Variants in KCNH8 observed in about 807,000 individuals in gnomAD.
KCNH8 encodes the protein potassium voltage-gated channel subfamily H member 8, also known as voltage-gated delayed rectifier potassium channel KCNH8.
In KCNH8, 70 loss-of-function variants were observed where a neutral mutation model predicts 103.6. That is an observed-to-expected ratio of 0.68 (90% CI 0.56 to 0.82). The LOEUF (loss-of-function observed/expected upper bound fraction) is 0.82. Among genes scored for constraint, KCNH8 ranks in the 40% least tolerant of loss-of-function variants. The pLI, the probability that KCNH8 is intolerant of heterozygous loss-of-function variation, is 0.00. For synonymous variants in KCNH8, 498 were observed against 489.4 expected (o/e 1.02, Z -0.23); for missense variants, 1,217 against 1,329.9 (o/e 0.92, Z 1.32).
intron 11 of KCNH8, among the ~76,000 whole-genome samples, chr3:19,493,207 TTTTG>T (rs1376883369): frequency 6.6e-6 from 1 of 152,120 alleles, no homozygotes; most frequent in Non-Finnish European, 1.5e-5. Context: ...TTTGGATGCC[TTTTG>T]TTTCTTTCTC....
intron 1 of KCNH8, among the ~76,000 whole-genome samples, chr3:19,162,661 G>A (rs1222929413): frequency 3.3e-5 from 5 of 151,934 alleles, no homozygotes; most frequent in Admixed American, 1.3e-4. Flanking sequence ...ATATTTTGGT[G>A]GAATTTGTTT....
At chr3:19,344,838 A>G (rs2065708327) in intron 4 of KCNH8, among the ~76,000 whole-genome samples, 1 of 152,130 alleles carries the variant, frequency 6.6e-6, no homozygotes, top group Admixed American at 6.6e-5. Flanking sequence ...TGATTCTTAT[A>G]GCAAGCCAGT....
chr3:19,265,318 G>A (rs925825908), intron 2 of KCNH8, among the ~76,000 whole-genome samples: 29 of 152,204 alleles, frequency 1.9e-4, no homozygotes, highest in African/African-American at 6.5e-4. Flanking sequence ...AAATGAAAGT[G>A]CAGATGCCTT....
chr3:19,193,147 A>T (rs570842025), intron 1 of KCNH8, among the ~76,000 whole-genome samples: 1 of 151,786 alleles, frequency 6.6e-6, no homozygotes, highest in East Asian at 1.9e-4. Flanking sequence ...AAAGTTTTAG[A>T]TTTTCAAATA....
At chr3:19,338,112 A>G (rs1189342936) in intron 3 of KCNH8, among the ~76,000 whole-genome samples, 1 of 151,948 alleles carries the variant, frequency 6.6e-6, no homozygotes, top group Non-Finnish European at 1.5e-5. Context: ...TAATACTTTT[A>G]TCACTGCACT....
At chr3:19,156,466 T>C (rs1559400623) in intron 1 of KCNH8, among the ~76,000 whole-genome samples, 1 of 152,200 alleles carries the variant, frequency 6.6e-6, no homozygotes, top group East Asian at 1.9e-4. Flanking sequence ...CCATTTCTAG[T>C]TTATATGCTG....
chr3:19,513,094 C>T lies in KCNH8; in HGVS notation c.2204C>T (p.Ser735Phe), dbSNP rs1295188892. The change falls in exon 13 of 16, where the codon TCT becomes TTT. Residue 735 changes from serine to phenylalanine, a missense_variant. Transcript: ENST00000328405. Reference sequence around the variant, plus strand: ...CTCTCTCCCATCTGCACAAGGGGATCTTCTTCGCGCAACAAGAAGGTTGGA... The same window carrying T: ...CTCTCTCCCATCTGCACAAGGGGATTTTCTTCGCGCAACAAGAAGGTTGGA... ...VSLSPICTRG[S>F]SSRNKKVGSN... 2.5e-6 allele frequency: 4 copies of T among 1,604,796 alleles called. No individual in the cohort carries two copies. The East Asian group carries it at 8.9e-5, about 36-fold the overall frequency.
intron 15 of KCNH8, among the ~76,000 whole-genome samples, chr3:19,526,512 C>A (rs2069067081): frequency 1.3e-5 from 2 of 151,926 alleles, no homozygotes; most frequent in East Asian, 1.9e-4. Flanking sequence ...GAAACTCATA[C>A]TTCTGTTCCC....
At chr3:19,206,501 G>T (rs1346371542) in intron 1 of KCNH8, among the ~76,000 whole-genome samples, 1 of 151,754 alleles carries the variant, frequency 6.6e-6, no homozygotes, top group Non-Finnish European at 1.5e-5. Flanking sequence ...AATTAAAATG[G>T]TTCTAAGTGG....
At chr3:19,275,575 T>C (rs544801008) in intron 2 of KCNH8, among the ~76,000 whole-genome samples, 79 of 152,250 alleles carry the variant, frequency 5.2e-4, no homozygotes, top group Middle Eastern at 3.4e-3. Context: ...CTGGAAGAAA[T>C]GTTCACTGCA....
intron 1 of KCNH8, among the ~76,000 whole-genome samples, chr3:19,175,968 T>TG (rs2063395919): frequency 1.3e-5 from 2 of 152,280 alleles, no homozygotes; most frequent in South Asian, 4.1e-4. Context: ...AGCAGCTGTG[T>TG]GGGAGTTTAG....
chr3:19,339,831 G>A (rs1200412388), intron 3 of KCNH8, among the ~76,000 whole-genome samples: 1 of 151,956 alleles, frequency 6.6e-6, no homozygotes, highest in African/African-American at 2.4e-5. Flanking sequence ...ATTAAAGTCC[G>A]TGAAAGACTT....
chr3:19,432,679 G>A (rs756548624), intron 7 of KCNH8, among the ~76,000 whole-genome samples: 23 of 152,196 alleles, frequency 1.5e-4, no homozygotes, highest in South Asian at 4.1e-4. Flanking sequence ...TTTAAGCCAC[G>A]AGAAACACTA....
At chr3:19,447,993 C>T (rs370822224) in intron 8 of KCNH8, among the ~76,000 whole-genome samples, 5 of 151,804 alleles carry the variant, frequency 3.3e-5, no homozygotes, top group East Asian at 1.9e-4. Flanking sequence ...TACCAAGAGC[C>T]GCTCTTTACT....
chr3:19,355,538 G>C (rs1263219743), intron 5 of KCNH8, among the ~76,000 whole-genome samples: 1 of 152,084 alleles, frequency 6.6e-6, no homozygotes, highest in Non-Finnish European at 1.5e-5. Context: ...ATACAACATG[G>C]AATAGTATGC....
At chr3:19,509,845 G>A (rs986199257) in intron 11 of KCNH8, among the ~76,000 whole-genome samples, 1 of 152,160 alleles carries the variant, frequency 6.6e-6, no homozygotes, top group East Asian at 1.9e-4. Context: ...TCATGCCTAT[G>A]AGCGTTCAGG....
At chr3:19,193,034 T>C (rs1420035853) in intron 1 of KCNH8, among the ~76,000 whole-genome samples, 1 of 151,702 alleles carries the variant, frequency 6.6e-6, no homozygotes, top group African/African-American at 2.4e-5. Context: ...CATTTATAGA[T>C]GCATTGAAAC....
intron 1 of KCNH8, among the ~76,000 whole-genome samples, chr3:19,161,390 A>G (rs2063232919): frequency 6.6e-6 from 1 of 152,278 alleles, no homozygotes; most frequent in African/African-American, 2.4e-5. Flanking sequence ...GGGAAGCAGT[A>G]GTTTGTTCTG....
intron 2 of KCNH8, among the ~76,000 whole-genome samples, chr3:19,278,649 C>T (rs972576394): frequency 3.9e-5 from 6 of 152,088 alleles, no homozygotes; most frequent in African/African-American, 1.4e-4. Context: ...CATATAGGCA[C>T]TAGGAAGGTA....
Sources: allele counts gnomAD v4.1 joint callset (sites outside exome capture counted in the v4.1 genomes callset), GRCh38; gene constraint gnomAD v4.1.1; transcripts MANE v1.5; gene names NCBI Gene and HGNC (gene_info 2026-07-23, HGNC 2026-07-21).